TLCD4: variants seen among roughly 807,000 people sequenced by gnomAD.
TLCD4 encodes TLC domain-containing protein 4.
A neutral mutation model predicts 24.2 loss-of-function variants in TLCD4; 7 were observed. That is an observed-to-expected ratio of 0.29 (90% CI 0.16 to 0.54). The LOEUF is 0.54. Ranked by LOEUF, TLCD4 falls within the 20% of genes least tolerant of loss-of-function variation. The probability of loss-of-function intolerance (pLI) is 0.95; values close to 1 mark genes in which losing one functional copy is unlikely to be tolerated. For synonymous variants in TLCD4, 103 were observed against 106.4 expected, an observed-to-expected ratio of 0.97 and a Z score of 0.20; for missense variants, 259 against 313.9, an observed-to-expected ratio of 0.82 and a Z score of 1.32.
At chr1:95,161,705 G>T (rs1029047867) in intron 5 of TLCD4, among the ~76,000 whole-genome samples, 81 of 151,988 alleles carry the variant, frequency 5.3e-4, no homozygotes, top group South Asian at 2.3e-3. Context: ...TGTTGTGTCT[G>T]TGTTCTCATT....
chr1:95,110,868 A>G, the TLCD4 span, among the ~76,000 whole-genome samples: 1 of 30,948 alleles, frequency 3.2e-5, no homozygotes, highest in African/African-American at 2.6e-4. Flanking sequence ...AAGAAAAGTA[A>G]AAAAAAAAAA....
Position 95,197,527 on chromosome 1 carries a change from G to A in TLCD4, c.*5659G>A, listed in dbSNP as rs1408640691. On this transcript the variant is annotated 3_prime_UTR_variant, in exon 7 of 7. Transcript: ENST00000370203. The stretch of plus-strand genomic sequence containing the variant: ...CATGAAAACCTTGGGATTTTCTTGT[G>A]CTAGAACACTACCACAATGTGGTGC... 1 of 151,966 alleles carries A rather than the reference G, an allele frequency of 6.6e-6. No homozygotes were observed. The highest frequency in any genetic ancestry group is 1.5e-5 in the Non-Finnish European group (1 of 68,018). The allele number at this position is 151,966 out of a possible 1,614,324, so 9.4% of individuals were successfully genotyped here.
chr1:95,144,463 A>G (rs1409873428), intron 2 of TLCD4, among the ~76,000 whole-genome samples: 1 of 152,230 alleles, frequency 6.6e-6, no homozygotes, highest in East Asian at 1.9e-4. Flanking sequence ...TGGGGCAGTT[A>G]GACTCTACAC....
At chr1:95,159,426 A>G (rs1412231238) in intron 5 of TLCD4, among the ~76,000 whole-genome samples, 1 of 152,186 alleles carries the variant, frequency 6.6e-6, no homozygotes, top group Non-Finnish European at 1.5e-5. Context: ...TCAGATGGGT[A>G]GATTGCAAAA....
At position 95,117,479 on chromosome 1, in the gene TLCD4, G is replaced by A. The variant is rs1050827219; in HGVS notation, c.-150G>A. 2.6e-5 allele frequency: 4 copies of A among 152,076 alleles called. No individual in the cohort carries two copies. Among genetic ancestry groups the A allele is most frequent in the African/African-American group, 7.2e-5 (3 of 41,398 alleles). 9.4% of individuals were successfully genotyped at this position (152,076 alleles called of 1,614,324 possible). A position where few individuals can be genotyped will look rare whatever the true frequency, so the allele number is the denominator to read the frequency against. ...AACCCGCGGCTTCCCTGGCTCCCGT[G>A]AGCATCTCACCGGGCGGCACTGGCC... On this transcript the variant is annotated 5_prime_UTR_variant, in exon 1 of 7. Coordinates refer to ENST00000370203, the MANE Select transcript of TLCD4 (RefSeq NM_152487.3).
At chr1:95,154,098 CTAAATAAT>C (rs1342634757) in intron 5 of TLCD4, among the ~76,000 whole-genome samples, 1 of 152,174 alleles carries the variant, frequency 6.6e-6, no homozygotes, top group Admixed American at 6.6e-5. Context: ...GGAGCTTGCA[CTAAATAAT>C]CTTTAAGGTT....
intron 5 of TLCD4, among the ~76,000 whole-genome samples, chr1:95,161,426 C>G (rs1206960552): frequency 6.6e-6 from 1 of 152,068 alleles, no homozygotes; most frequent in African/African-American, 2.4e-5. Flanking sequence ...AGCAGTCTAT[C>G]AATTTTGTTG....
At chr1:95,190,907 A>AT (rs1399850007) in intron 6 of TLCD4, among the ~76,000 whole-genome samples, 4 of 152,018 alleles carry the variant, frequency 2.6e-5, no homozygotes, top group Admixed American at 1.3e-4. Flanking sequence ...TATTTTAAAT[A>AT]TTTTTTCCTA....
intron 5 of TLCD4, among the ~76,000 whole-genome samples, chr1:95,155,859 C>T (rs1677618836): frequency 6.6e-6 from 1 of 150,440 alleles, no homozygotes; most frequent in Non-Finnish European, 1.5e-5. Flanking sequence ...TAGGGGATAA[C>T]AATAGGATAG....
chr1:95,161,176 T>G (rs1677786594), intron 5 of TLCD4, among the ~76,000 whole-genome samples: 1 of 152,236 alleles, frequency 6.6e-6, no homozygotes, highest in South Asian at 2.1e-4. Flanking sequence ...TGCCTCAATT[T>G]CAGAGCCTGT....
At chr1:95,111,682 G>A in the TLCD4 span, among the ~76,000 whole-genome samples, 747 of 152,342 alleles carry the variant, frequency 4.9e-3, 8 homozygotes, top group African/African-American at 0.017. Context: ...CTTAGCACTT[G>A]ATGGTGCAGT....
chr1:95,164,156 G>A (rs1378839441), intron 5 of TLCD4: 3 of 152,548 alleles, frequency 2.0e-5, no homozygotes, highest in Non-Finnish European at 2.9e-5. Context: ...CACCCAGTTC[G>A]AGCTTCCAGG....
At chr1:95,154,860 A>C (rs1420346215) in intron 5 of TLCD4, among the ~76,000 whole-genome samples, 1 of 148,006 alleles carries the variant, frequency 6.8e-6, no homozygotes, top group East Asian at 2.0e-4. Context: ...AGTCTCAAGC[A>C]CAATTGAAAT....
At chr1:95,186,421 T>C (rs1181718096) in intron 6 of TLCD4, among the ~76,000 whole-genome samples, 1 of 152,182 alleles carries the variant, frequency 6.6e-6, no homozygotes, top group Admixed American at 6.5e-5. Context: ...CGGAGGGTGC[T>C]GATGTGTGTT....
At chr1:95,191,478 A>G (rs778818248) in intron 6 of TLCD4, 72 bp from the exon 7 acceptor site, 19 of 1,517,734 alleles carry the variant, frequency 1.3e-5, no homozygotes, top group Non-Finnish European at 1.7e-5. Flanking sequence ...TTAAAATTTA[A>G]AAACTAAAAT....
rs1444058877 is a variant in TLCD4, at chr1:95,194,339, A to G, written c.*2471A>G. On this transcript the variant is annotated 3_prime_UTR_variant, in exon 7 of 7. Transcript: ENST00000370203. ...AAATGCCACTAGAAACTGCCCTGCT[A>G]CTTTTAAGTCTGACCTTTGCAGGAG... The G allele has an allele frequency of 6.6e-6, 1 of 152,136 alleles. No homozygotes were observed. The highest frequency in any genetic ancestry group is 1.5e-5 in the Non-Finnish European group (1 of 67,994). The allele number at this position is 152,136 out of a possible 1,614,324, so 9.4% of individuals were successfully genotyped here.
At chr1:95,101,823 G>A in the TLCD4 span, among the ~76,000 whole-genome samples, 10 of 152,308 alleles carry the variant, frequency 6.6e-5, no homozygotes, top group Non-Finnish European at 1.2e-4. Flanking sequence ...AACTAGGAAA[G>A]TTTTGACAAG....
At chr1:95,113,622 C>T (rs1676379086), upstream of TLCD4, among the ~76,000 whole-genome samples, 1 of 152,046 alleles carries the variant, frequency 6.6e-6, no homozygotes, top group Admixed American at 6.6e-5. Flanking sequence ...TGTTATAAGC[C>T]TTTAAGAATT....
upstream of TLCD4, among the ~76,000 whole-genome samples, chr1:95,116,121 C>T (rs982822024): frequency 5.8e-4 from 89 of 152,174 alleles, no homozygotes; most frequent in African/African-American, 2.0e-3. Context: ...TTTCTCTCTG[C>T]TTGACTGCAG....
Sources: gnomAD v4.1 joint callset for allele counts (sites outside exome capture counted in the v4.1 genomes callset) on GRCh38, gnomAD v4.1.1 for gene constraint, MANE v1.5 for transcripts, NCBI Gene and HGNC (gene_info 2026-07-23, HGNC 2026-07-21) for gene names.